The following PTPRZ1 variants were observed in gnomAD, a reference collection of about 807,000 sequenced individuals.
The protein encoded by PTPRZ1 is protein tyrosine phosphatase receptor type Z1, also known as receptor-type tyrosine-protein phosphatase zeta.
A neutral mutation model predicts 214.1 loss-of-function variants in PTPRZ1; 82 were observed. The ratio of observed to expected loss-of-function variants is 0.38; its 90% CI spans 0.32 to 0.46. The LOEUF (loss-of-function observed/expected upper bound fraction) is 0.46, where lower values mean the gene tolerates loss of function less well. PTPRZ1 is among the 20% of genes least tolerant of loss of function. PTPRZ1 has a pLI of 1.00. For synonymous variants in PTPRZ1, 945 were observed against 987.9 expected (o/e 0.96, Z 0.81); for missense variants, 2,603 against 2,748.7 (o/e 0.95, Z 1.19).
At chr7:121,904,822 A>C (rs187533156) in intron 1 of PTPRZ1, among the ~76,000 whole-genome samples, 165 of 152,272 alleles carry the variant, frequency 1.1e-3, no homozygotes, top group Non-Finnish European at 1.5e-3. Context: ...ATAACCTTTC[A>C]TGTCAGCTCT....
intron 17 of PTPRZ1, among the ~76,000 whole-genome samples, chr7:122,035,205 A>T (rs1490580091): frequency 6.6e-6 from 1 of 152,178 alleles, no homozygotes; most frequent in Admixed American, 6.5e-5. Flanking sequence ...GTTTCATTCT[A>T]GTTCTGAAAG....
rs1326984358 is a variant in PTPRZ1 at position 122,019,198 on chromosome 7, C to A, written c.4918C>A (p.Pro1640Thr). 5.6e-6 allele frequency: 9 copies of A among 1,611,072 alleles called. No individual in the cohort carries two copies. Among genetic ancestry groups the A allele is most frequent in the Non-Finnish European group, 7.6e-6 (9 of 1,177,456 alleles). The change falls in exon 13 of 30, where the codon CCC becomes ACC. Residue 1640 changes from proline to threonine, a missense_variant. By Grantham distance (38) the Pro-to-Thr change is conservative. Coordinates refer to ENST00000393386, the MANE Select transcript of PTPRZ1 (RefSeq NM_002851.3). ...GLESEKKAVI[P>T]LVIVSALTFI... The stretch of plus-strand genomic sequence containing the variant: ...GGAATCCGAGAAGAAGGCAGTTATA[C>A]CCCTTGTGATCGTGTCAGCCCTGAC...
Position 122,024,242 on chromosome 7 carries a change from GT to G in PTPRZ1, c.4989-4297del, listed in dbSNP as rs533142090. ...ACTTCAACAGGGAAGATTTTCAAAA[GT>G]TTTTTTTTTTTTAAGGCAAATTTTT... On this transcript the variant is annotated intron_variant, in intron 13 of 29. Coordinates refer to ENST00000393386, the MANE Select transcript of PTPRZ1 (RefSeq NM_002851.3). Among the ~76,000 whole-genome samples, 204 of 142,582 alleles carry G rather than the reference GT, an allele frequency of 1.4e-3. 1 individual carries two copies. Among genetic ancestry groups the G allele is most frequent in the Middle Eastern group, 3.6e-3 (1 of 274 alleles). 93.5% of individuals were successfully genotyped at this position (142,582 alleles called of 152,430 possible).
intron 9 of PTPRZ1, 104 bp downstream of exon 9, chr7:121,996,670 AC>A: frequency 1.0e-6 from 1 of 956,532 alleles, no homozygotes; most frequent in Non-Finnish European, 1.5e-6. Context: ...TTACTTTTAG[AC>A]TTTATGTGAA....
intron 6 of PTPRZ1, among the ~76,000 whole-genome samples, chr7:121,977,708 TA>T (rs1305491984): frequency 3.3e-5 from 5 of 151,658 alleles, no homozygotes; most frequent in Non-Finnish European, 7.4e-5. Context: ...GGGTAGCTTT[TA>T]TTTTTTTTTT....
At chr7:121,929,356 T>C (rs986210289) in intron 2 of PTPRZ1, among the ~76,000 whole-genome samples, 4 of 152,088 alleles carry the variant, frequency 2.6e-5, no homozygotes, top group African/African-American at 9.6e-5. Context: ...TACTAATCCA[T>C]TGAATAATTT....
At chr7:122,042,522 A>G in intron 21 of PTPRZ1, 86 bp from the exon 22 acceptor site, 1 of 1,322,108 alleles carries the variant, frequency 7.6e-7, no homozygotes. Flanking sequence ...AGTTATTTTA[A>G]TCAACATGAC....
At chr7:121,940,259 A>G (rs1796202262) in intron 2 of PTPRZ1, among the ~76,000 whole-genome samples, 1 of 152,184 alleles carries the variant, frequency 6.6e-6, no homozygotes. Flanking sequence ...CTAGTTAGGA[A>G]ACGAAAGGAA....
At chr7:121,994,983 G>GTA (rs146804821) in intron 8 of PTPRZ1, among the ~76,000 whole-genome samples, 1,973 of 151,470 alleles carry the variant, frequency 0.013, 32 homozygotes, top group African/African-American at 0.044. Context: ...TTTGTAAAAG[G>GTA]TATATATATA....
At chr7:121,897,519 AT>A (rs969947348) in intron 1 of PTPRZ1, among the ~76,000 whole-genome samples, 11 of 152,128 alleles carry the variant, frequency 7.2e-5, no homozygotes, top group African/African-American at 2.4e-4. Context: ...ACATTCCTCT[AT>A]CCCCACAGCC....
chr7:121,957,402 C>T (rs1796742148), intron 2 of PTPRZ1, among the ~76,000 whole-genome samples: 1 of 152,108 alleles, frequency 6.6e-6, no homozygotes. Flanking sequence ...GAGCTTTGGT[C>T]TGTCCAGGGG....
chr7:122,022,840 G>T (rs1486464861), intron 13 of PTPRZ1, among the ~76,000 whole-genome samples: 1 of 152,048 alleles, frequency 6.6e-6, no homozygotes, highest in African/African-American at 2.4e-5. Context: ...AAAGCTACAG[G>T]AATCAAGAGA....
At chr7:121,923,976 G>T (rs534691795) in intron 1 of PTPRZ1, among the ~76,000 whole-genome samples, 18 of 152,068 alleles carry the variant, frequency 1.2e-4, no homozygotes, top group Admixed American at 5.9e-4. Context: ...TCTCAATTTA[G>T]TTAGGAGGTT....
rs530308086 is a variant in PTPRZ1, at chr7:121,941,234, A to G, written c.124+13013A>G. Among the ~76,000 whole-genome samples, 19 of 152,346 alleles carry G rather than the reference A, an allele frequency of 1.2e-4. No individual in the cohort carries two copies. In the South Asian group the frequency reaches 3.9e-3, roughly 32 times the overall value. On this transcript the variant is annotated intron_variant, in intron 2 of 29. Coordinates refer to ENST00000393386, the MANE Select transcript of PTPRZ1 (RefSeq NM_002851.3). ...AATGGAGAAATAAAGAGACGTAGTCATTTGCCTAGAGTCACAAAGTAAGCA... is the reference window on the plus strand; with the variant it reads ...AATGGAGAAATAAAGAGACGTAGTCGTTTGCCTAGAGTCACAAAGTAAGCA...
At position 122,010,949 on chromosome 7, in the gene PTPRZ1, A is replaced by C. The variant is rs767880510; in HGVS notation, c.1903A>C (p.Thr635Pro). The C allele has an allele frequency of 3.7e-6, 6 of 1,614,062 alleles. No homozygotes were observed. Among genetic ancestry groups the C allele is most frequent in the Non-Finnish European group, 5.1e-6 (6 of 1,180,036 alleles). ...ESARNASEDS[T>P]SSGSEESLKD... ...TGCTAGAAATGCTTCCGAAGATTCAACTTCATCAGGTTCAGAAGAATCACT... is the reference window on the plus strand; with the variant it reads ...TGCTAGAAATGCTTCCGAAGATTCACCTTCATCAGGTTCAGAAGAATCACT... Residue 635 changes from threonine (T) to proline (P), a missense_variant, in exon 12 of 30, where the codon ACT becomes CCT. Physicochemically the swap from Thr to Pro is conservative, Grantham distance 38 (BLOSUM62 -1). Coordinates refer to ENST00000393386, the MANE Select transcript of PTPRZ1 (RefSeq NM_002851.3).
rs765910015 is a variant in PTPRZ1 at position 122,012,635 on chromosome 7, A to T, written c.3589A>T (p.Thr1197Ser). 1.2e-6 allele frequency: 2 copies of T among 1,613,828 alleles called. No individual in the cohort carries two copies. The highest frequency in any genetic ancestry group is 1.7e-6 in the Non-Finnish European group (2 of 1,179,856). Reference sequence around the variant, plus strand: ...TTCTGATGTTGACACCTTGCTTAAAACTGTTCTTCCAGCTGTGCCCAGTGA... The same window carrying T: ...TTCTGATGTTGACACCTTGCTTAAATCTGTTCTTCCAGCTGTGCCCAGTGA... ...QASDVDTLLK[T>S]VLPAVPSDPI... Residue 1197 changes from threonine (T) to serine (S), a missense_variant, in exon 12 of 30, where the codon ACT becomes TCT. Transcript: ENST00000393386.
intron 1 of PTPRZ1, among the ~76,000 whole-genome samples, chr7:121,914,804 C>T (rs147908820): frequency 1.3e-5 from 2 of 152,174 alleles, no homozygotes; most frequent in African/African-American, 4.8e-5. Flanking sequence ...CTACCTATAC[C>T]TCTCCTAACT....
intron 8 of PTPRZ1, among the ~76,000 whole-genome samples, chr7:121,985,198 G>A (rs947614000): frequency 6.6e-6 from 1 of 152,068 alleles, no homozygotes; most frequent in African/African-American, 2.4e-5. Flanking sequence ...GCCCCAAAGT[G>A]AGGAAATTTA....
intron 1 of PTPRZ1, among the ~76,000 whole-genome samples, chr7:121,918,332 G>A (rs937520693): frequency 6.6e-6 from 1 of 152,116 alleles, no homozygotes; most frequent in African/African-American, 2.4e-5. Context: ...ACTATTTCAA[G>A]GTTTACCCAC....
Sources: gnomAD v4.1 joint callset for allele counts (sites outside exome capture counted in the v4.1 genomes callset) on GRCh38, gnomAD v4.1.1 for gene constraint, MANE v1.5 for transcripts, NCBI Gene and HGNC (gene_info 2026-07-23, HGNC 2026-07-21) for gene names.